The following NKAIN2 variants were observed in gnomAD, a reference collection of about 807,000 sequenced individuals.
The protein encoded by NKAIN2 is sodium/potassium transporting ATPase interacting 2.
Under a neutral mutation model 32.6 loss-of-function variants are expected in NKAIN2, and 14 were observed. The observed-to-expected ratio is 0.43, with a 90% CI of 0.28 to 0.67. NKAIN2 has a LOEUF of 0.67. Among genes scored for constraint, NKAIN2 ranks in the 30% least tolerant of loss-of-function variants. The pLI, the probability that NKAIN2 is intolerant of heterozygous loss-of-function variation, is 0.17. For missense variants in NKAIN2, 198 were observed against 258.3 expected (o/e 0.77, Z 1.60); for synonymous variants, 80 against 87.2 (o/e 0.92, Z 0.46).
intron 1 of NKAIN2, among the ~76,000 whole-genome samples, chr6:124,067,436 C>T (rs916379027): frequency 1.1e-4 from 16 of 152,066 alleles, no homozygotes; most frequent in Non-Finnish European, 5.9e-5. Flanking sequence ...AACCCTGATT[C>T]TCATAGCACC....
intron 1 of NKAIN2, among the ~76,000 whole-genome samples, chr6:124,246,839 C>T (rs954440005): frequency 7.2e-5 from 11 of 152,066 alleles, no homozygotes; most frequent in African/African-American, 1.7e-4. Context: ...TACCACAAAA[C>T]GTATTGGCTT....
intron 1 of NKAIN2, 38 bp from the exon 2 acceptor site, chr6:124,282,967 T>A: frequency 6.2e-7 from 1 of 1,603,772 alleles, no homozygotes; most frequent in Non-Finnish European, 8.5e-7. Context: ...GTGCTGTTTC[T>A]CACATGCTGA....
intron 1 of NKAIN2, among the ~76,000 whole-genome samples, chr6:124,088,992 T>C (rs1049635114): frequency 6.6e-6 from 1 of 152,084 alleles, no homozygotes. Context: ...GCAAATACTT[T>C]ATCCTTTTAA....
intron 1 of NKAIN2, among the ~76,000 whole-genome samples, chr6:123,979,697 G>T (rs940449047): frequency 1.3e-5 from 2 of 152,086 alleles, no homozygotes; most frequent in Admixed American, 6.6e-5. Context: ...TCAAGTTATT[G>T]TCCTAATTGC....
chr6:124,632,558 T>C (rs1002258689), intron 3 of NKAIN2, among the ~76,000 whole-genome samples: 24 of 152,204 alleles, frequency 1.6e-4, no homozygotes, highest in Non-Finnish European at 3.1e-4. Flanking sequence ...CTTAAAAGTG[T>C]TCCTTAAAAC....
At chr6:124,536,128 G>A (rs547936915) in intron 3 of NKAIN2, among the ~76,000 whole-genome samples, 1 of 152,224 alleles carries the variant, frequency 6.6e-6, no homozygotes, top group East Asian at 1.9e-4. Context: ...AAATTCAAAC[G>A]CCCAAGTAAT....
intron 1 of NKAIN2, among the ~76,000 whole-genome samples, chr6:124,194,302 T>C (rs1260238744): frequency 1.3e-5 from 2 of 152,102 alleles, no homozygotes; most frequent in Non-Finnish European, 2.9e-5. Flanking sequence ...TACTTTAATT[T>C]AATGTAGCCA....
intron 1 of NKAIN2, among the ~76,000 whole-genome samples, chr6:124,085,035 T>C (rs142918128): frequency 6.6e-6 from 1 of 152,182 alleles, no homozygotes; most frequent in Non-Finnish European, 1.5e-5. Flanking sequence ...ATGCATTTTA[T>C]AAGTGAATAA....
At chr6:124,752,768 A>AAT (rs1777785173) in intron 4 of NKAIN2, among the ~76,000 whole-genome samples, 1 of 152,096 alleles carries the variant, frequency 6.6e-6, no homozygotes, top group African/African-American at 2.4e-5. Context: ...GTATGCATCC[A>AAT]ATGTAGGAAG....
intron 4 of NKAIN2, among the ~76,000 whole-genome samples, chr6:124,673,874 AC>A (rs1773224390): frequency 6.6e-6 from 1 of 151,594 alleles, no homozygotes; most frequent in South Asian, 2.1e-4. Flanking sequence ...CTGTGCAGAA[AC>A]TTTTATTTTA....
chr6:123,880,393 C>G (rs1243675853), intron 1 of NKAIN2, among the ~76,000 whole-genome samples: 1 of 152,068 alleles, frequency 6.6e-6, no homozygotes, highest in African/African-American at 2.4e-5. Context: ...TACAGGATCC[C>G]AGGCCCAGAA....
intron 3 of NKAIN2, among the ~76,000 whole-genome samples, chr6:124,412,284 G>GT (rs1308742558): frequency 2.0e-5 from 3 of 152,210 alleles, no homozygotes; most frequent in Admixed American, 6.5e-5. Flanking sequence ...TTTCTGCTCT[G>GT]TTTTTTCCCC....
chr6:124,230,922 G>A (rs754593738), intron 1 of NKAIN2, among the ~76,000 whole-genome samples: 4 of 152,210 alleles, frequency 2.6e-5, no homozygotes, highest in Non-Finnish European at 5.9e-5. Context: ...GCTGTGAGAA[G>A]GGGGCCACTG....
intron 1 of NKAIN2, among the ~76,000 whole-genome samples, chr6:123,996,440 T>C (rs920023574): frequency 6.6e-6 from 1 of 152,018 alleles, no homozygotes; most frequent in Non-Finnish European, 1.5e-5. Context: ...TCCTTGATAG[T>C]TGGAAATTGA....
At chr6:124,798,920 C>T (rs910569006) in intron 5 of NKAIN2, among the ~76,000 whole-genome samples, 1 of 152,012 alleles carries the variant, frequency 6.6e-6, no homozygotes, top group African/African-American at 2.4e-5. Flanking sequence ...CTACCAAATC[C>T]CCAACCTAGA....
intron 3 of NKAIN2, among the ~76,000 whole-genome samples, chr6:124,419,928 C>T (rs1047383458): frequency 6.6e-6 from 1 of 151,730 alleles, no homozygotes; most frequent in Non-Finnish European, 1.5e-5. Context: ...TCTGTCTTGT[C>T]AGCAAGATTT....
chr6:124,581,250 T>C (rs569625), intron 3 of NKAIN2, among the ~76,000 whole-genome samples: 47,170 of 151,288 alleles, frequency 0.31, 8,121 homozygotes, highest in African/African-American at 0.46. Flanking sequence ...CCATCCTGGC[T>C]AACAAGGTGA....
chr6:124,579,904 A>G (rs1478727616), intron 3 of NKAIN2, among the ~76,000 whole-genome samples: 1 of 152,232 alleles, frequency 6.6e-6, no homozygotes, highest in Non-Finnish European at 1.5e-5. Flanking sequence ...GAAACTTTAC[A>G]GGGCAGGAGA....
chr6:124,275,120 G>T (rs893820338), intron 1 of NKAIN2, among the ~76,000 whole-genome samples: 7 of 152,068 alleles, frequency 4.6e-5, no homozygotes, highest in Non-Finnish European at 8.8e-5. Flanking sequence ...CTATGAAATG[G>T]TTATAAATTG....
Sources: gnomAD v4.1 joint callset for allele counts (sites outside exome capture counted in the v4.1 genomes callset) on GRCh38, gnomAD v4.1.1 for gene constraint, MANE v1.5 for transcripts, NCBI Gene and HGNC (gene_info 2026-07-23, HGNC 2026-07-21) for gene names.